NELL1: variants seen among roughly 807,000 people sequenced by gnomAD.
The protein encoded by NELL1 is neural EGFL like 1.
A neutral mutation model predicts 107.4 loss-of-function variants in NELL1; 76 were observed. That is an observed-to-expected ratio of 0.71 (90% confidence interval 0.59 to 0.86). The LOEUF (loss-of-function observed/expected upper bound fraction) is 0.86. NELL1 is among the 40% of genes least tolerant of loss of function. The pLI is 0.00. For synonymous variants in NELL1, 353 were observed against 341.2 expected, an observed-to-expected ratio of 1.03 and a Z score of -0.38; for missense variants, 1,024 against 1,005.5, an observed-to-expected ratio of 1.02 and a Z score of -0.25.
chr11:20,885,037 T>C (rs1382721137), intron 4 of NELL1, among the ~76,000 whole-genome samples: 1 of 152,198 alleles, frequency 6.6e-6, no homozygotes, highest in Non-Finnish European at 1.5e-5. Flanking sequence ...GTACAGTGGC[T>C]TTAGAGCCAG....
At chr11:21,204,429 G>A (rs947818560) in intron 13 of NELL1, among the ~76,000 whole-genome samples, 1 of 151,534 alleles carries the variant, frequency 6.6e-6, no homozygotes, top group Admixed American at 6.6e-5. Flanking sequence ...TATGCTTCAG[G>A]ATGTTCTCAT....
chr11:21,380,620 T>TGACA (rs1302429853), intron 15 of NELL1, among the ~76,000 whole-genome samples: 2 of 152,020 alleles, frequency 1.3e-5, no homozygotes, highest in Non-Finnish European at 2.9e-5. Context: ...AAAATGGGGT[T>TGACA]GACACACAGT....
intron 15 of NELL1, among the ~76,000 whole-genome samples, chr11:21,472,734 G>C (rs1158144852): frequency 6.6e-6 from 1 of 151,812 alleles, no homozygotes; most frequent in Non-Finnish European, 1.5e-5. Context: ...GATATCTGCT[G>C]AGATGACACA....
chr11:21,073,104 T>G (rs1461559318), intron 12 of NELL1, among the ~76,000 whole-genome samples: 1 of 152,154 alleles, frequency 6.6e-6, no homozygotes, highest in Non-Finnish European at 1.5e-5. Context: ...GTAGAAGATG[T>G]CTTGGAATAG....
At chr11:21,007,952 T>C (rs575441030) in intron 12 of NELL1, among the ~76,000 whole-genome samples, 47 of 152,284 alleles carry the variant, frequency 3.1e-4, no homozygotes, top group African/African-American at 1.1e-3. Flanking sequence ...TGAAGCTTTC[T>C]GTGATTTGTC....
At chr11:21,175,668 T>A (rs1427233538) in intron 13 of NELL1, among the ~76,000 whole-genome samples, 1 of 151,892 alleles carries the variant, frequency 6.6e-6, no homozygotes, top group Non-Finnish European at 1.5e-5. Context: ...AATGATTAAA[T>A]GTTAATTGGC....
intron 13 of NELL1, among the ~76,000 whole-genome samples, chr11:21,228,159 T>C (rs1201001963): frequency 6.6e-6 from 1 of 152,194 alleles, no homozygotes; most frequent in Non-Finnish European, 1.5e-5. Flanking sequence ...TAGCAGATGT[T>C]AAAAAGGAAT....
chr11:21,270,385 A>G (rs1238530445), intron 14 of NELL1, among the ~76,000 whole-genome samples: 4 of 152,168 alleles, frequency 2.6e-5, no homozygotes, highest in Admixed American at 2.6e-4. Context: ...GAATAGCTAT[A>G]TTAATTTCTG....
chr11:21,538,102 C>G (rs565553589), intron 16 of NELL1, among the ~76,000 whole-genome samples: 34 of 152,186 alleles, frequency 2.2e-4, no homozygotes, highest in African/African-American at 7.9e-4. Context: ...ATATCAGCAT[C>G]TAAAATAACC....
intron 14 of NELL1, among the ~76,000 whole-genome samples, chr11:21,366,717 G>A (rs568941700): frequency 1.3e-5 from 2 of 151,992 alleles, no homozygotes; most frequent in Non-Finnish European, 2.9e-5. Context: ...ATTAGCTTCA[G>A]GAAAATGCTG....
At chr11:21,515,196 C>A (rs1012799320) in intron 15 of NELL1, among the ~76,000 whole-genome samples, 1 of 152,148 alleles carries the variant, frequency 6.6e-6, no homozygotes, top group Non-Finnish European at 1.5e-5. Flanking sequence ...TCAATAGAAA[C>A]AATCTGTAGA....
Position 20,985,760 on chromosome 11 carries a change from T to A in NELL1, c.1300+25200T>A, listed in dbSNP as rs1320335313. On this transcript the variant is annotated intron_variant, in intron 12 of 19. Coordinates refer to ENST00000357134, the MANE Select transcript of NELL1 (RefSeq NM_006157.5). ...AAGTCAAAGCAGGGGAGAATTTTTATCTGAATTTCTTGGCCACAAGTCTTA... is the reference window on the plus strand; with the variant it reads ...AAGTCAAAGCAGGGGAGAATTTTTAACTGAATTTCTTGGCCACAAGTCTTA... Among the ~76,000 whole-genome samples the A allele has an allele frequency of 3.9e-5, 6 of 152,228 alleles. No individual in the cohort carries two copies. In the South Asian group the frequency reaches 1.0e-3, roughly 26 times the overall value.
At chr11:20,888,013 T>C (rs1002395939) in intron 5 of NELL1, among the ~76,000 whole-genome samples, 3 of 151,638 alleles carry the variant, frequency 2.0e-5, no homozygotes, top group African/African-American at 7.3e-5. Context: ...GTTTGAAGAA[T>C]CAAAATAATA....
chr11:21,098,615 T>C (rs1477555048), intron 12 of NELL1, among the ~76,000 whole-genome samples: 1 of 152,164 alleles, frequency 6.6e-6, no homozygotes, highest in Non-Finnish European at 1.5e-5. Context: ...TGGGACTTTT[T>C]CCCTGATGGT....
intron 15 of NELL1, among the ~76,000 whole-genome samples, chr11:21,443,839 C>T (rs1263641563): frequency 1.4e-5 from 2 of 147,260 alleles, no homozygotes; most frequent in Non-Finnish European, 1.5e-5. Context: ...AGCCTGGAGA[C>T]AGAGCGAGAC....
intron 12 of NELL1, among the ~76,000 whole-genome samples, chr11:21,103,283 AT>A (rs1414575207): frequency 6.6e-6 from 1 of 152,140 alleles, no homozygotes; most frequent in South Asian, 2.1e-4. Flanking sequence ...TGTTCACTCT[AT>A]TTTGACTGCT....
chr11:21,303,417 A>G (rs76714237), intron 14 of NELL1, among the ~76,000 whole-genome samples: 2,878 of 152,114 alleles, frequency 0.019, 103 homozygotes, highest in African/African-American at 0.066. Flanking sequence ...TATAACCACA[A>G]TGAGATATTA....
At chr11:20,908,144 C>T (rs1850045670) in intron 5 of NELL1, among the ~76,000 whole-genome samples, 2 of 152,078 alleles carry the variant, frequency 1.3e-5, no homozygotes, top group South Asian at 4.1e-4. Context: ...GACAGTATGG[C>T]AATTCTTCAA....
rs34302489 is a variant in NELL1, at chr11:21,369,362, ATTTTTTT to A, written c.1550-1477_1550-1471del. On this transcript the variant is annotated intron_variant, in intron 14 of 19. Transcript: ENST00000357134. ...TGATGAACTTACCATGGTAGGTACT[ATTTTTTT>A]TTTTTTTTTTTTTGCATAGGCGAAG... Among the ~76,000 whole-genome samples, 1,050 of 110,424 alleles carry A rather than the reference ATTTTTTT, an allele frequency of 9.5e-3. 15 individuals carry two copies. The highest frequency in any genetic ancestry group is 0.032 in the African/African-American group (983 of 30,776). 72.4% of individuals were successfully genotyped at this position (110,424 alleles called of 152,430 possible). A position where few individuals can be genotyped will look rare whatever the true frequency, so the allele number is the denominator to read the frequency against.
Sources: allele counts gnomAD v4.1 joint callset (sites outside exome capture counted in the v4.1 genomes callset), GRCh38; gene constraint gnomAD v4.1.1; transcripts MANE v1.5; gene names NCBI Gene and HGNC (gene_info 2026-07-23, HGNC 2026-07-21).